C1orf35: variants seen among roughly 807,000 people sequenced by gnomAD.
C1orf35 encodes multiple myeloma tumor-associated protein 2.
C1orf35 carries 36 observed loss-of-function variants against 30.9 expected under a neutral mutation model. The ratio of observed to expected loss-of-function variants is 1.16; its 90% CI spans 0.89 to 1.54. The LOEUF is 1.54. Among genes scored for constraint, C1orf35 ranks in the 40% most tolerant of loss-of-function variants. The probability of loss-of-function intolerance (pLI) is 0.00; values close to 1 mark genes in which losing one functional copy is unlikely to be tolerated. For synonymous variants in C1orf35, 179 were observed against 148.2 expected (o/e 1.21, Z -1.51); for missense variants, 396 against 358.7 (o/e 1.10, Z -0.84).
chr1:228,102,215 C>T (rs758317136), intron 5 of C1orf35, 50 bp from the exon 6 acceptor site: 1 of 1,564,816 alleles, frequency 6.4e-7, no homozygotes, highest in East Asian at 2.3e-5. Context: ...GGCCCCACAC[C>T]ACGCCCCGCA....
rs751234708 is a variant in C1orf35 at position 228,101,322 on chromosome 1, T to C, written c.668+17A>G. On this transcript the variant is annotated intron_variant, in intron 7 of 7. Transcript: ENST00000272139. ...CAGGCCCCCACCCCCAAGAGGCAGATATGGACCAGGGCATACCTCTCAGGA... is the reference window on the plus strand; with the variant it reads ...CAGGCCCCCACCCCCAAGAGGCAGACATGGACCAGGGCATACCTCTCAGGA... 9 of 1,614,120 alleles carry C rather than the reference T, an allele frequency of 5.6e-6. No individual in the cohort carries two copies. In the Admixed American group the frequency reaches 1.0e-4, roughly 18 times the overall value.
chr1:228,102,621 G>GC (rs769962246), intron 3 of C1orf35, 22 bp downstream of exon 3: 50 of 1,593,662 alleles, frequency 3.1e-5, no homozygotes, highest in Non-Finnish European at 3.8e-5. Flanking sequence ...CCCTCCACGC[G>GC]CCCCCCACCC....
chr1:228,101,401 C>G lies in C1orf35; in HGVS notation c.606G>C (p.Lys202Asn). The G allele has an allele frequency of 2.5e-6, 4 of 1,613,982 alleles. No homozygotes were observed. The highest frequency in any genetic ancestry group is 3.4e-6 in the Non-Finnish European group (4 of 1,179,982). ...GCCGCCTGTGCTCTTTGTCTTTCTT[C>G]TTCTTCTCTTTCTTGTGTTTCCTCT... is the stretch of plus-strand genomic sequence containing the variant. ...KKKRKHKKEK[K>N]KKDKEHRRPA... The change falls in exon 7 of 8, where the codon AAG (lysine) becomes AAC (asparagine). Residue 202 changes from lysine (K) to asparagine (N), a missense_variant. By Grantham distance (94) the Lys-to-Asn change is moderately conservative. Transcript: ENST00000272139.
Position 228,101,740 on chromosome 1 carries a change from C to T in C1orf35, c.534-267G>A, listed in dbSNP as rs1571849461. ...GCAGGTTGACACCTTCCTACCTGCA[C>T]CCACCAGGCCACTCTTAGGGTCAGG... On this transcript the variant is annotated intron_variant, in intron 6 of 7. Coordinates refer to ENST00000272139, the MANE Select transcript of C1orf35 (RefSeq NM_024319.4). 7.8e-6 allele frequency: 11 copies of T among 1,416,330 alleles called. No individual in the cohort carries two copies. The East Asian group carries it at 2.9e-4, about 37-fold the overall frequency. 87.7% of individuals were successfully genotyped at this position (1,416,330 alleles called of 1,614,324 possible). A position where few individuals can be genotyped will look rare whatever the true frequency, so the allele number is the denominator to read the frequency against.
chr1:228,102,239 C>A (rs1209891454), intron 5 of C1orf35, 71 bp downstream of exon 5: 2 of 1,574,942 alleles, frequency 1.3e-6, no homozygotes, highest in Admixed American at 3.6e-5. Flanking sequence ...CCCCGGGGAG[C>A]TCCGTTCAGT....
Position 228,102,543 on chromosome 1 carries a change from G to A in C1orf35, c.309C>T (p.Cys103=). Residue 103 remains cysteine (C), a synonymous_variant, in exon 4 of 8, where the codon TGC becomes TGT. Transcript: ENST00000272139. ...GLSKEDFAEV[C]KREGGDPEEK... ...CCTCGGGGTCGCCTCCTTCCCGCTT[G>A]CAGACCTCCGCGAAGTCCTGCAGGT... The A allele has an allele frequency of 2.6e-6, 4 of 1,559,304 alleles. No homozygotes were observed. The highest frequency in any genetic ancestry group is 3.5e-6 in the Non-Finnish European group (4 of 1,155,488).
intron 2 of C1orf35, 96 bp downstream of exon 2, chr1:228,102,803 T>TTCC: frequency 5.1e-6 from 6 of 1,187,470 alleles, no homozygotes; most frequent in Non-Finnish European, 6.8e-6. Context: ...GCAGCCCCGC[T>TTCC]CCCGCCCAGC....
chr1:228,102,973 T>C lies in C1orf35; in HGVS notation c.171A>G (p.Pro57=), dbSNP rs1454671944. 1.3e-6 allele frequency: 2 copies of C among 1,528,580 alleles called. No homozygotes were observed. The highest frequency in any genetic ancestry group is 1.7e-6 in the Non-Finnish European group (2 of 1,143,308). 94.7% of individuals were successfully genotyped at this position (1,528,580 alleles called of 1,614,324 possible). A position where few individuals can be genotyped will look rare whatever the true frequency, so the allele number is the denominator to read the frequency against. Residue 57 remains proline (P), a synonymous_variant, in exon 2 of 8, where the codon CCA becomes CCG. Transcript: ENST00000272139. ...CCTCCTCGCGGCTCGGGCCCGCGCATGGCGCCCGGCCCTTGGCGTACCAGG... is the reference window on the plus strand; with the variant it reads ...CCTCCTCGCGGCTCGGGCCCGCGCACGGCGCCCGGCCCTTGGCGTACCAGG... The part of the protein sequence containing the change: ...DLTWYAKGRA[P]CAGPSREEEL...
Position 228,103,250 on chromosome 1 carries a change from G to A in C1orf35, c.-23C>T. 6.2e-7 allele frequency: 1 copy of A among 1,607,100 alleles called. No homozygotes were observed. The highest frequency in any genetic ancestry group is 1.1e-5 in the South Asian group (1 of 90,314). On this transcript the variant is annotated 5_prime_UTR_variant, in exon 1 of 8. Transcript: ENST00000272139. ...CATGGCGCCGGGAAGGCAGTTGCCT[G>A]GGGCCTGCGGCTTGCAACCTGCAAC...
Position 228,102,935 on chromosome 1 carries a change from A to AC in C1orf35, c.208dup (p.Val70GlyfsTer111). Reference sequence around the variant, plus strand: ...CAGCGCCTCGCGCTCCGCCTCCCGCACGGCTGCCAGTTCCTCCTCGCGGCT... The same window carrying AC: ...CAGCGCCTCGCGCTCCGCCTCCCGCACCGGCTGCCAGTTCCTCCTCGCGGCT... On this transcript the variant is annotated frameshift_variant, in exon 2 of 8. Coordinates refer to ENST00000272139, the MANE Select transcript of C1orf35 (RefSeq NM_024319.4). LOFTEE classifies it high-confidence loss of function. The AC allele has an allele frequency of 6.6e-7, 1 of 1,506,970 alleles. No individual in the cohort carries two copies. Among genetic ancestry groups the AC allele is most frequent in the Middle Eastern group, 2.0e-4 (1 of 5,100 alleles). 93.3% of individuals were successfully genotyped at this position (1,506,970 alleles called of 1,614,324 possible). A position where few individuals can be genotyped will look rare whatever the true frequency, so the allele number is the denominator to read the frequency against.
intron 5 of C1orf35, 51 bp downstream of exon 5, chr1:228,102,259 C>A: frequency 6.3e-7 from 1 of 1,592,188 alleles, no homozygotes; most frequent in East Asian, 2.3e-5. Flanking sequence ...TGCCCCCGCC[C>A]CGCCCCACCC....
At chr1:228,102,793 G>A (rs2033009051) in intron 2 of C1orf35, 105 bp from the exon 3 acceptor site, 4 of 1,435,144 alleles carry the variant, frequency 2.8e-6, no homozygotes, top group South Asian at 2.9e-5. Context: ...GCGAGTCCCC[G>A]CAGCCCCGCT....
chr1:228,101,395 TTTCTTC>T lies in C1orf35; in HGVS notation c.606_611del (p.Lys203_Lys204del). ...CAGCTGGCCGCCTGTGCTCTTTGTC[TTTCTTC>T]TTCTTCTCTTTCTTGTGTTTCCTCT... On this transcript the variant is annotated inframe_deletion, in exon 7 of 8. Coordinates refer to ENST00000272139, the MANE Select transcript of C1orf35 (RefSeq NM_024319.4). 3.7e-6 allele frequency: 6 copies of T among 1,614,010 alleles called. No individual in the cohort carries two copies. The highest frequency in any genetic ancestry group is 5.1e-6 in the Non-Finnish European group (6 of 1,179,992).
chr1:228,102,059 G>A, intron 6 of C1orf35, 21 bp downstream of exon 6: 1 of 1,526,222 alleles, frequency 6.6e-7, no homozygotes, highest in Non-Finnish European at 8.8e-7. Flanking sequence ...GGCACAGCTA[G>A]CCCAGGTGGC....
rs1365374697 is a variant in C1orf35 at position 228,102,649 on chromosome 1, G to C, written c.285C>G (p.Ser95Arg). The C allele has an allele frequency of 1.2e-6, 2 of 1,606,540 alleles. No homozygotes were observed. Among genetic ancestry groups the C allele is most frequent in the African/African-American group, 1.3e-5 (1 of 74,956 alleles). Residue 95 changes from serine (S) to arginine (R), a missense_variant, in exon 3 of 8, where the codon AGC becomes AGG. Coordinates refer to ENST00000272139, the MANE Select transcript of C1orf35 (RefSeq NM_024319.4). ...CCCCACCCCGGGGAGTTACCTCCTTGCTCAGGCCCGTGGGCTGCTTCTTCA... is the reference window on the plus strand; with the variant it reads ...CCCCACCCCGGGGAGTTACCTCCTTCCTCAGGCCCGTGGGCTGCTTCTTCA... ...KNVKKQPTGL[S>R]KEDFAEVCKR...
rs1232794569 is a variant in C1orf35 at position 228,101,065 on chromosome 1, G to A, written c.*66C>T. On this transcript the variant is annotated 3_prime_UTR_variant, in exon 8 of 8. Transcript: ENST00000272139. ...CACCCACACCCAAGGAGCTTCCGAGGCAGGAGGCAAGCAAGGTGAAGGGAG... is the reference window on the plus strand; with the variant it reads ...CACCCACACCCAAGGAGCTTCCGAGACAGGAGGCAAGCAAGGTGAAGGGAG... 6.3e-7 allele frequency: 1 copy of A among 1,595,910 alleles called. No individual in the cohort carries two copies. Among genetic ancestry groups the A allele is most frequent in the African/African-American group, 1.3e-5 (1 of 74,814 alleles).
At position 228,102,171 on chromosome 1, in the gene C1orf35, G is replaced by T. The variant is rs373634959; in HGVS notation, c.448-6C>A. 1 of 1,578,438 alleles carries T rather than the reference G, an allele frequency of 6.3e-7. No individual in the cohort carries two copies. The highest frequency in any genetic ancestry group is 1.1e-5 in the South Asian group (1 of 88,568). On this transcript the variant is annotated splice_polypyrimidine_tract_variant and splice_region_variant and intron_variant, in intron 5 of 7. Coordinates refer to ENST00000272139, the MANE Select transcript of C1orf35 (RefSeq NM_024319.4). The stretch of plus-strand genomic sequence containing the variant: ...CCGCTCTCTACGCGGTGATGCTGCG[G>T]GAGAAGCGAGCTCTGCGGAGGAGTC...
Position 228,102,314 on chromosome 1 carries a change from AAC to A in C1orf35, c.441_442del (p.Phe148HisfsTer32). 2.5e-6 allele frequency: 4 copies of A among 1,611,214 alleles called. No individual in the cohort carries two copies. The highest frequency in any genetic ancestry group is 1.3e-5 in the African/African-American group (1 of 74,916). Reference sequence around the variant, plus strand: ...TCAGGCGGGGCGGGGGATTACCGTGAACACAGACAGCCCCAGTTTGGCGGCCT... The same window carrying A: ...TCAGGCGGGGCGGGGGATTACCGTGAACAGACAGCCCCAGTTTGGCGGCCT... On this transcript the variant is annotated frameshift_variant, in exon 5 of 8. Transcript: ENST00000272139. LOFTEE classifies it high-confidence loss of function.
At chr1:228,101,806 C>T (rs963038200) in intron 6 of C1orf35, 1 of 1,413,522 alleles carries the variant, frequency 7.1e-7, no homozygotes, top group African/African-American at 1.4e-5. Flanking sequence ...AGGTGCCACC[C>T]ACGGCAGGAA....
Sources: allele counts gnomAD v4.1 joint callset, GRCh38; gene constraint gnomAD v4.1.1; transcripts MANE v1.5; gene names NCBI Gene and HGNC (gene_info 2026-07-23, HGNC 2026-07-21).